TEAD1: variants seen among roughly 807,000 people sequenced by gnomAD.
TEAD1 encodes TEA domain transcription factor 1, also known as transcriptional enhancer factor TEF-1.
In TEAD1, 9 loss-of-function variants were observed where a neutral mutation model predicts 54.9. That is an observed-to-expected ratio of 0.16 (90% CI 0.10 to 0.29). The LOEUF (loss-of-function observed/expected upper bound fraction) is 0.29, where lower values mean the gene tolerates loss of function less well. Among genes scored for constraint, TEAD1 ranks in the 10% least tolerant of loss-of-function variants. TEAD1 has a pLI of 1.00. For synonymous variants in TEAD1, 200 were observed against 187.8 expected, an observed-to-expected ratio of 1.07 and a Z score of -0.53; for missense variants, 387 against 535.9, an observed-to-expected ratio of 0.72 and a Z score of 2.74.
intron 3 of TEAD1, among the ~76,000 whole-genome samples, chr11:12,818,561 C>G (rs2133998991): frequency 6.6e-6 from 1 of 152,252 alleles, no homozygotes; most frequent in African/African-American, 2.4e-5. Context: ...TCAGAGAGGA[C>G]CAGTCAAGTC....
intron 2 of TEAD1, among the ~76,000 whole-genome samples, chr11:12,701,366 C>A (rs1405141462): frequency 6.6e-6 from 1 of 152,160 alleles, no homozygotes; most frequent in East Asian, 1.9e-4. Flanking sequence ...GTGATTAGGG[C>A]TTTTACTTTT....
intron 2 of TEAD1, among the ~76,000 whole-genome samples, chr11:12,762,277 C>G (rs1945117764): frequency 6.6e-6 from 1 of 152,118 alleles, no homozygotes; most frequent in Non-Finnish European, 1.5e-5. Flanking sequence ...AGCCACTGCT[C>G]AAAGAATTCA....
intron 3 of TEAD1, among the ~76,000 whole-genome samples, chr11:12,796,800 G>A (rs1254024587): frequency 6.6e-6 from 1 of 151,660 alleles, no homozygotes; most frequent in African/African-American, 2.4e-5. Flanking sequence ...TGAGAATAAA[G>A]TGGGAGCACC....
chr11:12,900,225 T>C (rs1289439767), intron 9 of TEAD1, among the ~76,000 whole-genome samples: 1 of 146,294 alleles, frequency 6.8e-6, no homozygotes, highest in African/African-American at 2.7e-5. Context: ...CCACACCTGG[T>C]GATTTTTTTT....
chr11:12,708,732 CCAGTAAAACCATA>C (rs1245184190), intron 2 of TEAD1, among the ~76,000 whole-genome samples: 1 of 152,064 alleles, frequency 6.6e-6, no homozygotes, highest in African/African-American at 2.4e-5. Flanking sequence ...TACATAAATT[CCAGTAAAACCATA>C]CAGTGGAATA....
chr11:12,812,131 CT>C (rs1294229836), intron 3 of TEAD1, among the ~76,000 whole-genome samples: 1 of 152,130 alleles, frequency 6.6e-6, no homozygotes, highest in African/African-American at 2.4e-5. Context: ...CTCAGAAACA[CT>C]GTCTTTATGA....
intron 2 of TEAD1, among the ~76,000 whole-genome samples, chr11:12,734,039 C>G (rs1944476073): frequency 6.6e-6 from 1 of 152,176 alleles, no homozygotes; most frequent in Admixed American, 6.5e-5. Context: ...CCTGCTTCAG[C>G]CTCCCAAGTA....
At chr11:12,872,119 C>T (rs562969786) in intron 5 of TEAD1, among the ~76,000 whole-genome samples, 3 of 152,300 alleles carry the variant, frequency 2.0e-5, no homozygotes, top group East Asian at 1.9e-4. Flanking sequence ...TGATTTAATT[C>T]TTTTGAGTTC....
At chr11:12,741,313 A>G (rs764820095) in intron 2 of TEAD1, among the ~76,000 whole-genome samples, 5 of 151,762 alleles carry the variant, frequency 3.3e-5, no homozygotes, top group Non-Finnish European at 7.4e-5. Context: ...TTCTGCTCAT[A>G]ATTTTTGTCT....
chr11:12,855,952 A>AC (rs1947367976), intron 3 of TEAD1, among the ~76,000 whole-genome samples: 1 of 151,476 alleles, frequency 6.6e-6, no homozygotes, highest in Admixed American at 6.6e-5. Context: ...TGTCTTAAAA[A>AC]AAAAAAAAAA....
chr11:12,738,340 A>G (rs1944578333), intron 2 of TEAD1, among the ~76,000 whole-genome samples: 1 of 152,228 alleles, frequency 6.6e-6, no homozygotes, highest in African/African-American at 2.4e-5. Flanking sequence ...ATCAATAAAT[A>G]TTTAGCAGCC....
intron 3 of TEAD1, among the ~76,000 whole-genome samples, chr11:12,786,768 A>G (rs1945685685): frequency 2.0e-5 from 3 of 152,340 alleles, no homozygotes; most frequent in South Asian, 2.1e-4. Flanking sequence ...GCGATAGACA[A>G]TAAGGAAGAT....
At chr11:12,895,807 A>G (rs948986353) in intron 9 of TEAD1, among the ~76,000 whole-genome samples, 4 of 152,144 alleles carry the variant, frequency 2.6e-5, no homozygotes, top group South Asian at 2.1e-4. Context: ...TTGTATTAAT[A>G]TATTTACCTC....
At chr11:12,792,228 AC>A (rs1476594637) in intron 3 of TEAD1, among the ~76,000 whole-genome samples, 1 of 152,182 alleles carries the variant, frequency 6.6e-6, no homozygotes, top group Admixed American at 6.5e-5. Flanking sequence ...TTGGTAGATA[AC>A]TAATAACTCT....
At chr11:12,844,840 G>A (rs1947107893) in intron 3 of TEAD1, among the ~76,000 whole-genome samples, 1 of 151,886 alleles carries the variant, frequency 6.6e-6, no homozygotes, top group Admixed American at 6.6e-5. Flanking sequence ...CATTCTGAAT[G>A]AGTGAGCAAA....
In TEAD1 at chr11:12,859,280, T is replaced by C. The variant is rs571029941; in HGVS notation, c.203-2970T>C. Among the ~76,000 whole-genome samples, 12 of 150,302 alleles carry C rather than the reference T, an allele frequency of 8.0e-5. No individual in the cohort carries two copies. The South Asian group carries it at 2.3e-3, about 29-fold the overall frequency. The stretch of plus-strand genomic sequence containing the variant: ...GTCACATCTATCAAGGTATTCTGTC[T>C]GTTTTCCCAGAAAATAAACAAGTTT... On this transcript the variant is annotated intron_variant, in intron 3 of 12. Transcript: ENST00000527636.
At chr11:12,732,420 T>C (rs1944443028) in intron 2 of TEAD1, among the ~76,000 whole-genome samples, 1 of 152,198 alleles carries the variant, frequency 6.6e-6, no homozygotes, top group Admixed American at 6.5e-5. Context: ...GCCATGTGAA[T>C]ATATATTTTT....
At chr11:12,758,630 G>T (rs1452218920) in intron 2 of TEAD1, among the ~76,000 whole-genome samples, 1 of 152,066 alleles carries the variant, frequency 6.6e-6, no homozygotes, top group Non-Finnish European at 1.5e-5. Flanking sequence ...TAGCCAGGAT[G>T]GTCTTGATCT....
intron 2 of TEAD1, among the ~76,000 whole-genome samples, chr11:12,732,485 G>T (rs186056096): frequency 6.6e-6 from 1 of 152,318 alleles, no homozygotes; most frequent in African/African-American, 2.4e-5. Context: ...CAGTGGTGAA[G>T]AATATAGAGA....
Sources: allele counts gnomAD v4.1 joint callset (sites outside exome capture counted in the v4.1 genomes callset), GRCh38; gene constraint gnomAD v4.1.1; transcripts MANE v1.5; gene names NCBI Gene and HGNC (gene_info 2026-07-23, HGNC 2026-07-21).